The following GYG1 variants were observed in gnomAD, a reference collection of about 807,000 sequenced individuals.
The protein encoded by GYG1 is glycogenin 1, also known as glycogenin-1.
Under a neutral mutation model 41.9 loss-of-function variants are expected in GYG1, and 44 were observed. The ratio of observed to expected loss-of-function variants is 1.05; its 90% CI spans 0.83 to 1.35. GYG1 has a LOEUF of 1.35. GYG1 is among the 40% of genes most tolerant of loss of function. The pLI is 0.00. For missense variants in GYG1, 429 were observed against 418.9 expected (o/e 1.02, Z -0.21); for synonymous variants, 141 against 158.1 (o/e 0.89, Z 0.81).
At chr3:149,000,903 T>A (rs1713058661) in intron 4 of GYG1, 1 of 152,356 alleles carries the variant, frequency 6.6e-6, no homozygotes, top group South Asian at 2.1e-4. Context: ...TTGAGGTCAC[T>A]ATATTTGTGT....
At chr3:148,997,492 A>G (rs909812044) in intron 4 of GYG1, among the ~76,000 whole-genome samples, 2 of 152,342 alleles carry the variant, frequency 1.3e-5, no homozygotes, top group Middle Eastern at 3.4e-3. Flanking sequence ...TCTATAACAT[A>G]TAAATGTATT....
rs1235768884 is a variant in GYG1 at position 149,029,761 on chromosome 3, G to A, written c.*2828G>A. Among the ~76,000 whole-genome samples, 1 of 152,162 alleles carries A rather than the reference G, an allele frequency of 6.6e-6. No homozygotes were observed. Among genetic ancestry groups the A allele is most frequent in the Non-Finnish European group, 1.5e-5 (1 of 68,030 alleles). On this transcript the variant is annotated 3_prime_UTR_variant, in exon 8 of 8. Coordinates refer to ENST00000345003, the MANE Select transcript of GYG1 (RefSeq NM_004130.4). The stretch of plus-strand genomic sequence containing the variant: ...ACTCACTGGTAACAAACTACATAGG[G>A]TTAGTTTGTATTTCCAATTCTAGAG...
intron 2 of GYG1, among the ~76,000 whole-genome samples, chr3:148,994,964 TGAGGTCAAGAGTTCCA>T (rs1559833872): frequency 6.6e-6 from 1 of 152,218 alleles, no homozygotes; most frequent in Non-Finnish European, 1.5e-5. Flanking sequence ...TTGGATCACC[TGAGGTCAAGAGTTCCA>T]GACCAGCCTG....
intron 1 of GYG1, 72 bp from the exon 2 acceptor site, chr3:148,994,066 TTGAA>T (rs1307698228): frequency 3.0e-6 from 4 of 1,328,162 alleles, no homozygotes; most frequent in Non-Finnish European, 4.3e-6. Context: ...GAATTACTGT[TTGAA>T]TGGGTTCCTG....
At chr3:149,019,313 A>G (rs1170772662) in intron 5 of GYG1, among the ~76,000 whole-genome samples, 2 of 152,128 alleles carry the variant, frequency 1.3e-5, no homozygotes, top group Admixed American at 6.5e-5. Flanking sequence ...AAAGAAACCT[A>G]CTTACATCCT....
chr3:149,031,589 G>A lies in GYG1; in HGVS notation c.*4656G>A, dbSNP rs1214205326. 6.6e-6 allele frequency: 1 copy of A among 152,340 alleles called. No homozygotes were observed. Among genetic ancestry groups the A allele is most frequent in the Non-Finnish European group, 1.5e-5 (1 of 68,014 alleles). The allele number at this position is 152,340 out of a possible 1,614,324, so 9.4% of individuals were successfully genotyped here. ...CTACTTAACTAAAATGGAAAAAATA[G>A]TACTCTTAACATAATCCCTAATTTT... is the stretch of plus-strand genomic sequence containing the variant. On this transcript the variant is annotated 3_prime_UTR_variant, in exon 8 of 8. Coordinates refer to ENST00000345003, the MANE Select transcript of GYG1 (RefSeq NM_004130.4).
At chr3:149,000,814 A>G (rs1713053440) in intron 4 of GYG1, 1 of 152,164 alleles carries the variant, frequency 6.6e-6, no homozygotes, top group South Asian at 2.1e-4. Context: ...GAATTTCTAG[A>G]AAGAAGAAAA....
chr3:148,997,594 G>A (rs148932896), intron 4 of GYG1, among the ~76,000 whole-genome samples: 40 of 152,268 alleles, frequency 2.6e-4, no homozygotes, highest in Admixed American at 7.8e-4. Context: ...GTGTGCTTTC[G>A]TTTCAGGCCA....
chr3:148,999,716 A>G (rs1712991724), intron 4 of GYG1, among the ~76,000 whole-genome samples: 1 of 152,122 alleles, frequency 6.6e-6, no homozygotes, highest in Non-Finnish European at 1.5e-5. Context: ...GTAAAAGTAA[A>G]TAGTCTTAAA....
chr3:149,009,526 C>A lies in GYG1; in HGVS notation c.608+124C>A, dbSNP rs1157229943. 9 of 1,010,358 alleles carry A rather than the reference C, an allele frequency of 8.9e-6. No individual in the cohort carries two copies. The Admixed American group carries it at 1.4e-4, about 15-fold the overall frequency. 62.6% of individuals were successfully genotyped at this position (1,010,358 alleles called of 1,614,324 possible). A position where few individuals can be genotyped will look rare whatever the true frequency, so the allele number is the denominator to read the frequency against. ...CAGATAGACACTTTGAGGAAAGTTT[C>A]TCTTGTAAGAACCGTGGCTGCAATG... is the stretch of plus-strand genomic sequence containing the variant. On this transcript the variant is annotated intron_variant, in intron 5 of 7. Transcript: ENST00000345003.
chr3:149,006,578 G>C (rs1182573181), intron 4 of GYG1, among the ~76,000 whole-genome samples: 1 of 152,122 alleles, frequency 6.6e-6, no homozygotes, highest in Non-Finnish European at 1.5e-5. Context: ...TGTATCTCTA[G>C]TTTGTTCCGT....
rs370751634 is a variant in GYG1 at position 148,995,136 on chromosome 3, G to A, written c.143+859G>A. Among the ~76,000 whole-genome samples the A allele has an allele frequency of 2.8e-4, 43 of 152,320 alleles. No homozygotes were observed. The South Asian group carries it at 8.7e-3, about 31-fold the overall frequency. On this transcript the variant is annotated intron_variant, in intron 2 of 7. Coordinates refer to ENST00000345003, the MANE Select transcript of GYG1 (RefSeq NM_004130.4). ...GAGGCAGGAGAATCGCTTGAACCCG[G>A]GAGGCAGAGGTTGCAGTAAGCCGAG...
At chr3:148,998,699 T>C (rs1559835411) in intron 4 of GYG1, among the ~76,000 whole-genome samples, 1 of 152,266 alleles carries the variant, frequency 6.6e-6, no homozygotes, top group Non-Finnish European at 1.5e-5. Context: ...CCTGCTATTT[T>C]CCTTTCATAG....
intron 5 of GYG1, among the ~76,000 whole-genome samples, chr3:149,019,557 A>G (rs1714259388): frequency 6.6e-6 from 1 of 152,244 alleles, no homozygotes; most frequent in Admixed American, 6.5e-5. Flanking sequence ...GGGATTTCTT[A>G]AAATGAAAAC....
chr3:149,006,080 CT>C (rs34268321), intron 4 of GYG1, among the ~76,000 whole-genome samples: 3,547 of 117,140 alleles, frequency 0.03, 75 homozygotes, highest in African/African-American at 0.11. Flanking sequence ...TCATCATATT[CT>C]TTTTTTTTTT....
At chr3:149,025,816 G>A (rs1714619971) in intron 6 of GYG1, among the ~76,000 whole-genome samples, 2 of 152,196 alleles carry the variant, frequency 1.3e-5, no homozygotes. Flanking sequence ...TATGGCAGGT[G>A]AAGGGAGAGT....
intron 5 of GYG1, among the ~76,000 whole-genome samples, chr3:149,011,335 T>G (rs1392637419): frequency 2.0e-5 from 3 of 152,238 alleles, no homozygotes; most frequent in African/African-American, 7.2e-5. Context: ...GTGTGACCCC[T>G]AGAGCCGAAT....
At chr3:148,993,066 A>G (rs567107091) in intron 1 of GYG1, among the ~76,000 whole-genome samples, 42 of 152,124 alleles carry the variant, frequency 2.8e-4, no homozygotes, top group Non-Finnish European at 5.7e-4. Flanking sequence ...TGGTTAAGCA[A>G]CTGACTCCTA....
intron 4 of GYG1, among the ~76,000 whole-genome samples, chr3:149,005,950 T>C (rs1312150800): frequency 6.6e-6 from 1 of 152,162 alleles, no homozygotes; most frequent in Non-Finnish European, 1.5e-5. Flanking sequence ...GTATTCCCTT[T>C]TCTGTGTGTA....
Sources: allele counts gnomAD v4.1 joint callset (sites outside exome capture counted in the v4.1 genomes callset), GRCh38; gene constraint gnomAD v4.1.1; transcripts MANE v1.5; gene names NCBI Gene and HGNC (gene_info 2026-07-23, HGNC 2026-07-21).